GSTA1: variants seen among roughly 807,000 people sequenced by gnomAD.
The protein encoded by GSTA1 is glutathione S-transferase A1.
A neutral mutation model predicts 21.5 loss-of-function variants in GSTA1; 23 were observed. That is an observed-to-expected ratio of 1.07 (90% CI 0.77 to 1.52). The LOEUF (loss-of-function observed/expected upper bound fraction) is 1.52. Ranked by LOEUF, GSTA1 falls within the 40% of genes most tolerant of loss-of-function variation. The pLI is 0.00. For missense variants in GSTA1, 301 were observed against 264.2 expected, an observed-to-expected ratio of 1.14 and a Z score of -0.96; for synonymous variants, 125 against 90.0, an observed-to-expected ratio of 1.39 and a Z score of -2.20.
intron 6 of GSTA1, 91 bp downstream of exon 6, chr6:52,792,765 T>C (rs748755989): frequency 6.2e-7 from 1 of 1,611,150 alleles, no homozygotes; most frequent in South Asian, 1.1e-5. Flanking sequence ...TGGAGAAGAC[T>C]GGGGCAAAAC....
In GSTA1 at chr6:52,794,116, T is replaced by C. The variant is rs779165296; in HGVS notation, c.414+9A>G. 1.2e-6 allele frequency: 2 copies of C among 1,613,662 alleles called. No homozygotes were observed. The highest frequency in any genetic ancestry group is 2.2e-5 in the South Asian group (2 of 91,082). ...TCAGTTCCCCAAAACACTGAACTGC[T>C]TCACTTACTTTTTCAAAGGCAGGGA... On this transcript the variant is annotated intron_variant, in intron 5 of 6. Transcript: ENST00000334575.
At chr6:52,797,703 GC>G in intron 2 of GSTA1, 66 bp from the exon 3 acceptor site, 1 of 1,331,246 alleles carries the variant, frequency 7.5e-7, no homozygotes. Context: ...GCCTTGAATG[GC>G]CCCATCTGGT....
At chr6:52,792,792 C>T (rs1561910150) in intron 6 of GSTA1, 64 bp downstream of exon 6, 3 of 1,612,356 alleles carry the variant, frequency 1.9e-6, no homozygotes, top group Middle Eastern at 1.7e-4. Flanking sequence ...AGTCGCAGGG[C>T]CCAGATACAA....
intron 6 of GSTA1, among the ~76,000 whole-genome samples, chr6:52,792,326 T>C (rs975581816): frequency 2.0e-5 from 3 of 151,974 alleles, no homozygotes; most frequent in South Asian, 2.1e-4. Context: ...AGTGAAAACA[T>C]GGGGAAATTA....
At chr6:52,792,725 C>T in intron 6 of GSTA1, 131 bp downstream of exon 6, 1 of 1,599,744 alleles carries the variant, frequency 6.3e-7, no homozygotes, top group Non-Finnish European at 8.5e-7. Flanking sequence ...CCTGGAAGCT[C>T]ATTTTGGAGA....
In GSTA1 at chr6:52,792,969, G is replaced by C. The variant is rs183821084; in HGVS notation, c.433C>G (p.Gln145Glu). Residue 145 changes from glutamine to glutamate, a missense_variant, in exon 6 of 7, where the codon CAA becomes GAA. By Grantham distance (29) the Gln-to-Glu change is conservative (BLOSUM62 2). Coordinates refer to ENST00000334575, the MANE Select transcript of GSTA1 (RefSeq NM_145740.5). ...AGCTTGTTGCCAACAAGGTAGTCTT[G>C]TCCATGGCTCTTTAAGACCTGGAGA... is the stretch of plus-strand genomic sequence containing the variant. Reference protein sequence around the residue: ...AFEKVLKSHGQDYLVGNKLSR... With the variant: ...AFEKVLKSHGEDYLVGNKLSR... 11 of 1,614,092 alleles carry C rather than the reference G, an allele frequency of 6.8e-6. No individual in the cohort carries two copies. The highest frequency in any genetic ancestry group is 9.3e-6 in the Non-Finnish European group (11 of 1,179,986).
chr6:52,799,770 GGT>G (rs1391391558), intron 1 of GSTA1, among the ~76,000 whole-genome samples: 1 of 152,200 alleles, frequency 6.6e-6, no homozygotes, highest in Non-Finnish European at 1.5e-5. Context: ...CACTCCGGTT[GGT>G]GATGGACATG....
At chr6:52,799,963 G>A (rs1348444515) in intron 1 of GSTA1, among the ~76,000 whole-genome samples, 1 of 152,136 alleles carries the variant, frequency 6.6e-6, no homozygotes, top group East Asian at 1.9e-4. Flanking sequence ...CCAGAAATTA[G>A]GCCTCAGACT....
chr6:52,799,610 T>C (rs1256682864), intron 1 of GSTA1, among the ~76,000 whole-genome samples: 4 of 152,220 alleles, frequency 2.6e-5, no homozygotes, highest in Non-Finnish European at 5.9e-5. Flanking sequence ...AACTAATATT[T>C]ATTGAAAACT....
At chr6:52,803,089 C>T (rs114268535) in intron 1 of GSTA1, among the ~76,000 whole-genome samples, 3,346 of 152,064 alleles carry the variant, frequency 0.022, 119 homozygotes, top group African/African-American at 0.075. Flanking sequence ...GTCATATCTG[C>T]GGGGAGGGAA....
intron 4 of GSTA1, among the ~76,000 whole-genome samples, chr6:52,795,141 C>G (rs556795574): frequency 1.5e-4 from 23 of 152,272 alleles, no homozygotes; most frequent in Non-Finnish European, 2.4e-4. Context: ...ACTCCTTTAG[C>G]TCCAGGCAAG....
chr6:52,795,190 G>A (rs1365391238), intron 4 of GSTA1, among the ~76,000 whole-genome samples: 1 of 152,044 alleles, frequency 6.6e-6, no homozygotes, highest in Non-Finnish European at 1.5e-5. Context: ...TTGACTATCT[G>A]GACATTTCAT....
intron 4 of GSTA1, 66 bp downstream of exon 4, chr6:52,796,116 C>A (rs1261385207): frequency 6.2e-7 from 1 of 1,607,554 alleles, no homozygotes. Context: ...TCGTCCCACC[C>A]ACTCAAGGAA....
chr6:52,792,299 A>G (rs747390468), intron 6 of GSTA1, among the ~76,000 whole-genome samples: 7 of 152,192 alleles, frequency 4.6e-5, no homozygotes, highest in African/African-American at 1.7e-4. Flanking sequence ...ATCAACACAG[A>G]TGAGTCTCTA....
chr6:52,792,004 C>T, intron 6 of GSTA1, 24 bp from the exon 7 acceptor site: 1 of 1,613,386 alleles, frequency 6.2e-7, no homozygotes, highest in Non-Finnish European at 8.5e-7. Flanking sequence ...AGCACAGCCT[C>T]AGAGTGAAGC....
intron 2 of GSTA1, among the ~76,000 whole-genome samples, chr6:52,798,863 C>T (rs1040874649): frequency 2.6e-5 from 4 of 152,084 alleles, no homozygotes; most frequent in Non-Finnish European, 5.9e-5. Flanking sequence ...TATTTCATGT[C>T]TTCATATATT....
In GSTA1 at chr6:52,791,747, A is replaced by G. The variant is rs1217534986; in HGVS notation, c.*111T>C. The G allele has an allele frequency of 3.2e-6, 4 of 1,255,964 alleles. No homozygotes were observed. Among genetic ancestry groups the G allele is most frequent in the Non-Finnish European group, 4.5e-6 (4 of 886,446 alleles). The allele number at this position is 1,255,964 out of a possible 1,614,324, so 77.8% of individuals were successfully genotyped here. On this transcript the variant is annotated 3_prime_UTR_variant, in exon 7 of 7. Coordinates refer to ENST00000334575, the MANE Select transcript of GSTA1 (RefSeq NM_145740.5). ...TTATTTAATTAGCATATAATTTGAAAGAGTTCATTAGCTTCACAACAGGCA... is the reference window on the plus strand; with the variant it reads ...TTATTTAATTAGCATATAATTTGAAGGAGTTCATTAGCTTCACAACAGGCA...
chr6:52,799,303 T>C lies in GSTA1; in HGVS notation c.-30-6A>G. Reference sequence around the variant, plus strand: ...TCCTGGAGGTTTCTCTAAGCCTGAATGAATGAATGAATGAATGAATAATTG... The same window carrying C: ...TCCTGGAGGTTTCTCTAAGCCTGAACGAATGAATGAATGAATGAATAATTG... On this transcript the variant is annotated splice_region_variant and splice_polypyrimidine_tract_variant and intron_variant, in intron 1 of 6. Coordinates refer to ENST00000334575, the MANE Select transcript of GSTA1 (RefSeq NM_145740.5). The C allele has an allele frequency of 7.6e-6, 11 of 1,447,722 alleles. No individual in the cohort carries two copies. Among genetic ancestry groups the C allele is most frequent in the South Asian group, 1.2e-5 (1 of 83,018 alleles). The allele number at this position is 1,447,722 out of a possible 1,614,324, so 89.7% of individuals were successfully genotyped here. A position where few individuals can be genotyped will look rare whatever the true frequency, so the allele number is the denominator to read the frequency against.
At chr6:52,795,800 C>A (rs1208299439) in intron 4 of GSTA1, among the ~76,000 whole-genome samples, 1 of 152,136 alleles carries the variant, frequency 6.6e-6, no homozygotes, top group Non-Finnish European at 1.5e-5. Flanking sequence ...GCAACTTTCC[C>A]TCCCCAGTCC....
Sources: allele counts gnomAD v4.1 joint callset (sites outside exome capture counted in the v4.1 genomes callset), GRCh38; gene constraint gnomAD v4.1.1; transcripts MANE v1.5; gene names NCBI Gene and HGNC (gene_info 2026-07-23, HGNC 2026-07-21).